The following NRG3 variants were observed in gnomAD, a reference collection of about 807,000 sequenced individuals.
NRG3 encodes neuregulin 3.
A neutral mutation model predicts 66.9 loss-of-function variants in NRG3; 31 were observed. The ratio of observed to expected loss-of-function variants is 0.46; its 90% confidence interval spans 0.35 to 0.63. The LOEUF (loss-of-function observed/expected upper bound fraction) is 0.63. Ranked by LOEUF, NRG3 falls within the 20% of genes least tolerant of loss-of-function variation. The pLI, the probability that NRG3 is intolerant of heterozygous loss-of-function variation, is 0.00. For synonymous variants in NRG3, 393 were observed against 359.4 expected (o/e 1.09, Z -1.06); for missense variants, 910 against 878.9 (o/e 1.04, Z -0.45).
intron 1 of NRG3, among the ~76,000 whole-genome samples, chr10:82,306,029 A>C (rs1449720611): frequency 6.6e-6 from 1 of 152,184 alleles, no homozygotes; most frequent in Non-Finnish European, 1.5e-5. Flanking sequence ...TTACTGTTTT[A>C]TTGATTTTTT....
chr10:82,344,559 A>T, intron 1 of NRG3, among the ~76,000 whole-genome samples: 1 of 142,752 alleles, frequency 7.0e-6, no homozygotes, highest in East Asian at 2.1e-4. Context: ...CATGATTTGT[A>T]GTCCTTTGGG....
intron 1 of NRG3, among the ~76,000 whole-genome samples, chr10:81,877,220 C>G (rs1476478457): frequency 6.6e-6 from 1 of 152,058 alleles, no homozygotes; most frequent in Non-Finnish European, 1.5e-5. Flanking sequence ...ACTAATTGAC[C>G]TCCCACCCCA....
chr10:82,035,184 G>T (rs1178472407), intron 1 of NRG3, among the ~76,000 whole-genome samples: 1 of 151,966 alleles, frequency 6.6e-6, no homozygotes, highest in Non-Finnish European at 1.5e-5. Context: ...AGAGAGTGAG[G>T]ACTGACCTAG....
chr10:82,599,358 G>A (rs11195188), intron 2 of NRG3, among the ~76,000 whole-genome samples: 28,008 of 152,074 alleles, frequency 0.18, 2,902 homozygotes, highest in East Asian at 0.3. Context: ...ATGCAGCTAC[G>A]TCATTAGCAG....
chr10:82,648,593 G>T (rs979382864), intron 2 of NRG3, among the ~76,000 whole-genome samples: 1 of 152,068 alleles, frequency 6.6e-6, no homozygotes, highest in African/African-American at 2.4e-5. Context: ...AAATTACCTT[G>T]GGCAGTATGG....
intron 5 of NRG3, among the ~76,000 whole-genome samples, chr10:82,956,285 C>T (rs910136800): frequency 6.6e-6 from 1 of 151,970 alleles, no homozygotes; most frequent in Non-Finnish European, 1.5e-5. Context: ...TAATAGTATT[C>T]CCATGTGCAA....
At chr10:82,289,176 C>A (rs1011135625) in intron 1 of NRG3, among the ~76,000 whole-genome samples, 6 of 152,106 alleles carry the variant, frequency 3.9e-5, no homozygotes, top group African/African-American at 1.4e-4. Context: ...AGTTTCTAAA[C>A]CTTTGTCTTT....
At chr10:82,335,083 C>G (rs1372569097) in intron 1 of NRG3, among the ~76,000 whole-genome samples, 2 of 152,198 alleles carry the variant, frequency 1.3e-5, no homozygotes. Flanking sequence ...AGCCCACTGT[C>G]CTTCACATGG....
intron 1 of NRG3, among the ~76,000 whole-genome samples, chr10:81,884,901 C>G (rs1179247192): frequency 6.6e-6 from 1 of 152,150 alleles, no homozygotes. Context: ...CAAAAATTTC[C>G]TTGTGTTCTC....
intron 4 of NRG3, among the ~76,000 whole-genome samples, chr10:82,875,037 G>T (rs1790579041): frequency 6.6e-6 from 1 of 152,122 alleles, no homozygotes; most frequent in Non-Finnish European, 1.5e-5. Context: ...AATTATAACT[G>T]CCAACAGTAT....
chr10:82,237,929 G>A (rs879746863), intron 1 of NRG3, among the ~76,000 whole-genome samples: 7 of 152,084 alleles, frequency 4.6e-5, no homozygotes, highest in Non-Finnish European at 7.4e-5. Flanking sequence ...GAGGTTTAGT[G>A]CACAGCAAAG....
intron 1 of NRG3, among the ~76,000 whole-genome samples, chr10:81,992,493 G>C (rs1205291120): frequency 6.6e-6 from 1 of 152,180 alleles, no homozygotes; most frequent in African/African-American, 2.4e-5. Context: ...TAAATAGATA[G>C]TTTCAAGTAA....
intron 2 of NRG3, among the ~76,000 whole-genome samples, chr10:82,710,983 G>C (rs988207774): frequency 6.6e-6 from 1 of 152,116 alleles, no homozygotes; most frequent in Non-Finnish European, 1.5e-5. Context: ...TGTTTCACAG[G>C]CTGCTCTCTA....
At chr10:82,668,948 C>T (rs2053023352) in intron 2 of NRG3, among the ~76,000 whole-genome samples, 4 of 152,126 alleles carry the variant, frequency 2.6e-5, no homozygotes, top group Admixed American at 2.6e-4. Context: ...TAAGGCTCAG[C>T]TATGCTACTT....
intron 2 of NRG3, among the ~76,000 whole-genome samples, chr10:82,395,488 A>G (rs972279965): frequency 1.3e-5 from 2 of 152,218 alleles, no homozygotes; most frequent in African/African-American, 4.8e-5. Context: ...CTGGGATAAT[A>G]CCTTTATCCT....
intron 1 of NRG3, among the ~76,000 whole-genome samples, chr10:82,044,718 C>G (rs1361939327): frequency 6.6e-6 from 1 of 151,742 alleles, no homozygotes; most frequent in Non-Finnish European, 1.5e-5. Context: ...TAATGCTATC[C>G]CTCCCTGCTC....
chr10:82,379,693 C>G (rs2085483985), intron 2 of NRG3, among the ~76,000 whole-genome samples: 1 of 151,848 alleles, frequency 6.6e-6, no homozygotes, highest in Non-Finnish European at 1.5e-5. Flanking sequence ...GTGTGAAGTT[C>G]TAATTGGACA....
intron 2 of NRG3, among the ~76,000 whole-genome samples, chr10:82,667,874 T>C (rs903015862): frequency 2.6e-5 from 4 of 152,178 alleles, no homozygotes; most frequent in Non-Finnish European, 5.9e-5. Flanking sequence ...TATGTATGCA[T>C]ACACCCACAG....
chr10:82,250,728 C>T (rs1417181861), intron 1 of NRG3, among the ~76,000 whole-genome samples: 3 of 152,318 alleles, frequency 2.0e-5, no homozygotes, highest in African/African-American at 7.2e-5. Context: ...TTACATACAT[C>T]ACATAGCAGT....
Sources: allele counts gnomAD v4.1 joint callset (sites outside exome capture counted in the v4.1 genomes callset), GRCh38; gene constraint gnomAD v4.1.1; transcripts MANE v1.5; gene names NCBI Gene and HGNC (gene_info 2026-07-23, HGNC 2026-07-21).